The following CSMD1 variants were observed in gnomAD, a reference collection of about 807,000 sequenced individuals.
The protein encoded by CSMD1 is CUB and sushi domain-containing protein 1.
A neutral mutation model predicts 417.5 loss-of-function variants in CSMD1; 213 were observed. The ratio of observed to expected loss-of-function variants is 0.51; its 90% CI spans 0.46 to 0.57. CSMD1 has a LOEUF of 0.57. Ranked by LOEUF, CSMD1 falls within the 20% of genes least tolerant of loss-of-function variation. The pLI, the probability that CSMD1 is intolerant of heterozygous loss-of-function variation, is 0.00. For synonymous variants in CSMD1, 2,862 were observed against 1,736.8 expected, an observed-to-expected ratio of 1.65 and a Z score of -16.11; for missense variants, 6,923 against 4,529.7, an observed-to-expected ratio of 1.53 and a Z score of -15.17.
intron 1 of CSMD1, among the ~76,000 whole-genome samples, chr8:4,926,145 A>G (rs1806854099): frequency 2.0e-5 from 3 of 152,212 alleles, no homozygotes. Context: ...AGGCTGCCAT[A>G]TCATAAATTG....
At chr8:4,002,341 T>A (rs1343876717) in intron 4 of CSMD1, among the ~76,000 whole-genome samples, 6 of 152,212 alleles carry the variant, frequency 3.9e-5, no homozygotes, top group Non-Finnish European at 8.8e-5. Context: ...CTCCGCTATT[T>A]TTGTAAGGGA....
At chr8:4,588,843 G>A (rs1457633064) in intron 2 of CSMD1, among the ~76,000 whole-genome samples, 1 of 151,714 alleles carries the variant, frequency 6.6e-6, no homozygotes, top group African/African-American at 2.4e-5. Context: ...CTGTTCACAG[G>A]CTGCTGCTCA....
chr8:4,185,388 C>T (rs1247027460), intron 3 of CSMD1, among the ~76,000 whole-genome samples: 11 of 151,878 alleles, frequency 7.2e-5, no homozygotes, highest in Non-Finnish European at 1.6e-4. Flanking sequence ...TTTTAAAGTA[C>T]CCAGAATAGT....
At chr8:3,196,293 C>G (rs1453815218) in intron 33 of CSMD1, among the ~76,000 whole-genome samples, 1 of 152,240 alleles carries the variant, frequency 6.6e-6, no homozygotes, top group East Asian at 1.9e-4. Flanking sequence ...ACCCCTTTCC[C>G]AGAAAACTCA....
At chr8:4,247,517 C>G (rs1707712614) in intron 3 of CSMD1, among the ~76,000 whole-genome samples, 1 of 152,086 alleles carries the variant, frequency 6.6e-6, no homozygotes, top group Admixed American at 6.6e-5. Context: ...TAGAAATTTA[C>G]TTTTTCTTAT....
intron 1 of CSMD1, among the ~76,000 whole-genome samples, chr8:4,822,937 T>C (rs573803082): frequency 1.7e-4 from 26 of 152,278 alleles, no homozygotes; most frequent in Admixed American, 5.2e-4. Flanking sequence ...GTTTTGATAA[T>C]TTATTCGGAC....
chr8:3,970,871 C>A (rs1045529768), intron 5 of CSMD1, among the ~76,000 whole-genome samples: 4 of 152,248 alleles, frequency 2.6e-5, no homozygotes, highest in South Asian at 2.1e-4. Flanking sequence ...CCTGCCTCAG[C>A]CTCCTGAGTA....
At chr8:4,861,869 C>T (rs1217820739) in intron 1 of CSMD1, among the ~76,000 whole-genome samples, 1 of 152,006 alleles carries the variant, frequency 6.6e-6, no homozygotes, top group African/African-American at 2.4e-5. Flanking sequence ...TCTCAAGAAG[C>T]AGAGGAAGAG....
chr8:3,307,163 G>C (rs148656915), intron 25 of CSMD1, among the ~76,000 whole-genome samples: 33 of 152,194 alleles, frequency 2.2e-4, no homozygotes, highest in African/African-American at 7.7e-4. Context: ...TAGCCCATGA[G>C]ACTTGCTTTG....
At chr8:4,127,158 A>G (rs990164918) in intron 3 of CSMD1, among the ~76,000 whole-genome samples, 1 of 152,104 alleles carries the variant, frequency 6.6e-6, no homozygotes, top group African/African-American at 2.4e-5. Flanking sequence ...CTGCTGCAGA[A>G]ACAAAGGATA....
chr8:3,739,985 T>C (rs992628358), intron 6 of CSMD1, among the ~76,000 whole-genome samples: 1 of 152,202 alleles, frequency 6.6e-6, no homozygotes, highest in Non-Finnish European at 1.5e-5. Context: ...TCCCTATCAT[T>C]AAAATTGTCT....
At chr8:3,895,216 A>T (rs927080798) in intron 5 of CSMD1, among the ~76,000 whole-genome samples, 3 of 152,202 alleles carry the variant, frequency 2.0e-5, no homozygotes, top group African/African-American at 7.2e-5. Context: ...TTTAATTAAA[A>T]TAATTAGTGT....
At chr8:4,843,200 T>C (rs998685061) in intron 1 of CSMD1, among the ~76,000 whole-genome samples, 2 of 152,170 alleles carry the variant, frequency 1.3e-5, no homozygotes, top group South Asian at 2.1e-4. Context: ...ACATTGATTA[T>C]AGATGGAACA....
chr8:4,837,996 C>G (rs1255072126), intron 1 of CSMD1, among the ~76,000 whole-genome samples: 3 of 152,158 alleles, frequency 2.0e-5, no homozygotes, highest in South Asian at 2.1e-4. Context: ...GGCAGCAGCT[C>G]CATTCTCTCT....
chr8:3,498,992 T>G (rs1408589081), intron 10 of CSMD1, among the ~76,000 whole-genome samples: 1 of 152,184 alleles, frequency 6.6e-6, no homozygotes, highest in African/African-American at 2.4e-5. Flanking sequence ...ATTTTGTAGC[T>G]GTCCTTTTCT....
intron 2 of CSMD1, among the ~76,000 whole-genome samples, chr8:4,506,911 A>G (rs982898016): frequency 3.3e-5 from 5 of 152,198 alleles, no homozygotes; most frequent in African/African-American, 1.2e-4. Flanking sequence ...TCTGTATCTT[A>G]GGTACATTTT....
At chr8:4,771,746 G>A (rs967034817) in intron 1 of CSMD1, among the ~76,000 whole-genome samples, 10 of 152,178 alleles carry the variant, frequency 6.6e-5, no homozygotes, top group African/African-American at 2.4e-4. Context: ...TATGAGAGAT[G>A]ATGGCTGTCA....
chr8:3,300,682 C>T (rs950047001), intron 25 of CSMD1, among the ~76,000 whole-genome samples: 1 of 152,000 alleles, frequency 6.6e-6, no homozygotes, highest in African/African-American at 2.4e-5. Flanking sequence ...AATGGCCAGG[C>T]CTGGTGGCTC....
At chr8:4,011,200 C>A (rs1331348018) in intron 4 of CSMD1, among the ~76,000 whole-genome samples, 1 of 152,090 alleles carries the variant, frequency 6.6e-6, no homozygotes, top group East Asian at 1.9e-4. Flanking sequence ...GTGGGTACAC[C>A]TGTTTGTGTT....
Sources: gnomAD v4.1 joint callset for allele counts (sites outside exome capture counted in the v4.1 genomes callset) on GRCh38, gnomAD v4.1.1 for gene constraint, MANE v1.5 for transcripts, NCBI Gene and HGNC (gene_info 2026-07-23, HGNC 2026-07-21) for gene names.